Variants in GNA13 observed in about 807,000 individuals in gnomAD.
GNA13 encodes the protein G protein subunit alpha 13, also known as guanine nucleotide-binding protein subunit alpha-13.
In GNA13, 4 loss-of-function variants were observed where a neutral mutation model predicts 33.5. That is an observed-to-expected ratio of 0.12 (90% confidence interval 0.06 to 0.27). The LOEUF (loss-of-function observed/expected upper bound fraction) is 0.27, where lower values mean the gene tolerates loss of function less well. Among genes scored for constraint, GNA13 ranks in the 10% least tolerant of loss-of-function variants. GNA13 has a pLI of 1.00. For missense variants in GNA13, 319 were observed against 487.2 expected (o/e 0.65, Z 3.25); for synonymous variants, 176 against 183.8 (o/e 0.96, Z 0.34).
chr17:65,041,290 G>A (rs752892276), intron 2 of GNA13, among the ~76,000 whole-genome samples: 10 of 152,118 alleles, frequency 6.6e-5, no homozygotes, highest in African/African-American at 9.7e-5. Context: ...AGAACCCAAT[G>A]ACATTGTTTT....
At chr17:65,053,779 T>C (rs1236028027) in intron 1 of GNA13, 51 bp from the exon 2 acceptor site, 2 of 1,128,958 alleles carry the variant, frequency 1.8e-6, no homozygotes, top group Non-Finnish European at 2.7e-6. Context: ...CATTACATAT[T>C]ATCATAAGTT....
chr17:65,025,853 G>GT (rs1906762479), intron 2 of GNA13, among the ~76,000 whole-genome samples: 1 of 151,584 alleles, frequency 6.6e-6, no homozygotes, highest in Non-Finnish European at 1.5e-5. Context: ...GGGTGTGGTG[G>GT]TGCACGCCTG....
chr17:65,020,137 C>T (rs553734705), intron 2 of GNA13, among the ~76,000 whole-genome samples: 1 of 152,350 alleles, frequency 6.6e-6, no homozygotes, highest in East Asian at 1.9e-4. Flanking sequence ...ATCCTCTCCT[C>T]CTACCTTCCT....
At chr17:65,028,328 G>A (rs1290575475) in intron 2 of GNA13, among the ~76,000 whole-genome samples, 1 of 149,802 alleles carries the variant, frequency 6.7e-6, no homozygotes, top group Non-Finnish European at 1.5e-5. Flanking sequence ...AGAACTGCTT[G>A]AATCCGGGAG....
chr17:65,035,252 A>G (rs527677007), intron 2 of GNA13, among the ~76,000 whole-genome samples: 2 of 152,316 alleles, frequency 1.3e-5, no homozygotes, highest in South Asian at 4.1e-4. Context: ...AAAAAAATAC[A>G]TATATAGCGG....
intron 1 of GNA13, among the ~76,000 whole-genome samples, chr17:65,054,816 T>C (rs538040449): frequency 1.2e-4 from 18 of 152,320 alleles, no homozygotes; most frequent in African/African-American, 4.3e-4. Context: ...TGCATCAGGT[T>C]ACAAAGGTAC....
At chr17:65,034,263 TATTAC>T (rs1907164467) in intron 2 of GNA13, among the ~76,000 whole-genome samples, 1 of 152,136 alleles carries the variant, frequency 6.6e-6, no homozygotes. Context: ...GGAAAGAACT[TATTAC>T]ATTATTCTAG....
rs993413319 is a variant in GNA13, at chr17:65,031,902, G to A, written c.511-13599C>T. On this transcript the variant is annotated intron_variant, in intron 2 of 3. Transcript: ENST00000439174. ...AGAGAGAGAGAGAGAGAGAAAGAGA[G>A]AGAGAGAGAGAGAGAGAGAGTGTGT... 8.7e-3 allele frequency among the ~76,000 whole-genome samples: 1,212 copies of A among 139,884 alleles called. 14 individuals are homozygous for A. The highest frequency in any genetic ancestry group is 0.036 in the African/African-American group (1,166 of 32,250). The allele number at this position is 139,884 out of a possible 152,430, so 91.8% of individuals were successfully genotyped here. A position where few individuals can be genotyped will look rare whatever the true frequency, so the allele number is the denominator to read the frequency against.
chr17:65,048,358 G>A (rs1291991615), intron 2 of GNA13, among the ~76,000 whole-genome samples: 2 of 151,826 alleles, frequency 1.3e-5, no homozygotes, highest in Non-Finnish European at 2.9e-5. Flanking sequence ...AAATTATCTA[G>A]CTATTGTCAC....
At chr17:65,030,125 C>A (rs2143794087) in intron 2 of GNA13, among the ~76,000 whole-genome samples, 1 of 152,216 alleles carries the variant, frequency 6.6e-6, no homozygotes, top group Admixed American at 6.5e-5. Flanking sequence ...AAAAAGACAT[C>A]CCATAAAAGT....
In GNA13 at chr17:65,053,737, A is replaced by T. The variant is rs1907939208; in HGVS notation, c.284-9T>A. On this transcript the variant is annotated splice_polypyrimidine_tract_variant and intron_variant, in intron 1 of 3. Coordinates refer to ENST00000439174, the MANE Select transcript of GNA13 (RefSeq NM_006572.6). ...AACCAGCACCCTCATACCTTTGTTTAAAAAGAAGAAAAAAAATGTATGGAG... is the reference window on the plus strand; with the variant it reads ...AACCAGCACCCTCATACCTTTGTTTTAAAAGAAGAAAAAAAATGTATGGAG... The T allele has an allele frequency of 9.1e-6, 14 of 1,534,318 alleles. No homozygotes were observed. The East Asian group carries it at 3.2e-4, about 35-fold the overall frequency.
chr17:65,028,545 A>G (rs543398257), intron 2 of GNA13, among the ~76,000 whole-genome samples: 1 of 152,186 alleles, frequency 6.6e-6, no homozygotes, highest in East Asian at 1.9e-4. Context: ...CCTAAATGGT[A>G]GCAGTTGCCT....
intron 1 of GNA13, chr17:65,055,548 GGA>G (rs1439607290): frequency 3.2e-6 from 3 of 937,308 alleles, no homozygotes; most frequent in Non-Finnish European, 2.5e-6. Context: ...TTAGCGAAAA[GGA>G]GAGTGGAACG....
At position 65,050,340 on chromosome 17, in the gene GNA13, T is replaced by C. The variant is rs1352708239; in HGVS notation, c.510+3162A>G. Among the ~76,000 whole-genome samples the C allele has an allele frequency of 5.9e-5, 9 of 152,356 alleles. No homozygotes were observed. The East Asian group carries it at 1.7e-3, about 29-fold the overall frequency. ...TTAAGTAAGCCAAGTGCCTTCTCAG[T>C]GCCTGACACTATGCCAAGCACCACA... On this transcript the variant is annotated intron_variant, in intron 2 of 3. Coordinates refer to ENST00000439174, the MANE Select transcript of GNA13 (RefSeq NM_006572.6).
chr17:65,053,519 G>A lies in GNA13; in HGVS notation c.493C>T (p.Arg165Cys), dbSNP rs1598503605. The change falls in exon 2 of 4, where the codon CGT becomes TGT. Residue 165 changes from arginine (R) to cysteine (C), a missense_variant. This residue lies in a region of GNA13 where 136 missense variants were observed against 159.3 expected (regional missense o/e 0.85). Transcript: ENST00000439174. ...TCTCTTACCAGTTGAAATTCTCGAC[G>A]CCGGTCATAGGCATTCTGTATGCCG... ...DSGIQNAYDRRREFQLGESVK... is the reference protein window; with the variant it reads ...DSGIQNAYDRCREFQLGESVK... 1 of 1,603,126 alleles carries A rather than the reference G, an allele frequency of 6.2e-7. No individual in the cohort carries two copies. Among genetic ancestry groups the A allele is most frequent in the East Asian group, 2.2e-5 (1 of 44,834 alleles).
chr17:65,055,470 GTCT>G (rs1197241206), intron 1 of GNA13: 3 of 268,680 alleles, frequency 1.1e-5, no homozygotes, highest in Non-Finnish European at 1.7e-5. Context: ...TTTTAGGCCA[GTCT>G]TCTTACTACT....
intron 2 of GNA13, among the ~76,000 whole-genome samples, chr17:65,032,841 C>A (rs1378347803): frequency 1.3e-5 from 2 of 151,944 alleles, no homozygotes; most frequent in Non-Finnish European, 2.9e-5. Context: ...CTGGGTGCGG[C>A]GGCTCATGTC....
At chr17:65,055,100 T>G (rs1014238222) in intron 1 of GNA13, among the ~76,000 whole-genome samples, 1 of 152,078 alleles carries the variant, frequency 6.6e-6, no homozygotes, top group Admixed American at 6.6e-5. Context: ...AAGTCCCTTA[T>G]GTACTTCCTG....
intron 2 of GNA13, among the ~76,000 whole-genome samples, chr17:65,039,169 C>G (rs546254390): frequency 6.6e-6 from 1 of 152,296 alleles, no homozygotes; most frequent in East Asian, 1.9e-4. Context: ...TTCCCTACCC[C>G]ACATCCAATC....
Sources: allele counts gnomAD v4.1 joint callset (sites outside exome capture counted in the v4.1 genomes callset), GRCh38; gene constraint gnomAD v4.1.1; regional missense constraint gnomAD v4.1.1; transcripts MANE v1.5; gene names NCBI Gene and HGNC (gene_info 2026-07-23, HGNC 2026-07-21).